The following SHC4 variants were observed in gnomAD, a reference collection of about 807,000 sequenced individuals.
The protein encoded by SHC4 is SHC adaptor protein 4.
SHC4 carries 41 observed loss-of-function variants against 69.4 expected under a neutral mutation model. That is an observed-to-expected ratio of 0.59 (90% CI 0.46 to 0.77). The LOEUF (loss-of-function observed/expected upper bound fraction) is 0.77, where lower values mean the gene tolerates loss of function less well. Ranked by LOEUF, SHC4 falls within the 30% of genes least tolerant of loss-of-function variation. The pLI is 0.00. For synonymous variants in SHC4, 318 were observed against 299.3 expected (o/e 1.06, Z -0.64); for missense variants, 777 against 783.8 (o/e 0.99, Z 0.10).
intron 10 of SHC4, among the ~76,000 whole-genome samples, chr15:48,840,172 G>A (rs371290082): frequency 6.6e-6 from 1 of 152,184 alleles, no homozygotes; most frequent in South Asian, 2.1e-4. Flanking sequence ...TACCAATCCC[G>A]TGGCACTAAT....
In SHC4 at chr15:48,939,304, T is replaced by G. The variant is rs576906955; in HGVS notation, c.586-14355A>C. On this transcript the variant is annotated intron_variant, in intron 1 of 11. Transcript: ENST00000332408. The stretch of plus-strand genomic sequence containing the variant: ...GCCTCAGGGAATCAGGGAAGAAGGG[T>G]CAGAGGAAGGACGCTGGGGCGAGTT... Among the ~76,000 whole-genome samples the G allele has an allele frequency of 3.8e-4, 58 of 152,104 alleles. 1 individual carries two copies. Among genetic ancestry groups the G allele is most frequent in the Admixed American group, 3.7e-3 (56 of 15,292 alleles).
At chr15:48,939,586 C>T (rs1173593695) in intron 1 of SHC4, among the ~76,000 whole-genome samples, 2 of 152,150 alleles carry the variant, frequency 1.3e-5, no homozygotes, top group Non-Finnish European at 2.9e-5. Flanking sequence ...TTCTTGGAGT[C>T]CAGCACAATA....
chr15:48,893,043 A>G (rs932279238), intron 2 of SHC4, among the ~76,000 whole-genome samples: 5 of 152,210 alleles, frequency 3.3e-5, no homozygotes, highest in Admixed American at 6.5e-5. Context: ...GTAATTTCAC[A>G]AACTGTTTTC....
At chr15:48,881,338 A>G (rs1310614555) in intron 4 of SHC4, among the ~76,000 whole-genome samples, 5 of 151,110 alleles carry the variant, frequency 3.3e-5, no homozygotes, top group African/African-American at 9.7e-5. Flanking sequence ...TTTGACCTAT[A>G]GACCTATGTA....
chr15:48,849,697 A>G (rs1454936452), intron 9 of SHC4, among the ~76,000 whole-genome samples: 1 of 152,220 alleles, frequency 6.6e-6, no homozygotes, highest in Non-Finnish European at 1.5e-5. Context: ...TGACTATTAA[A>G]TCCTTAGGTT....
At chr15:48,844,065 T>TA (rs1411734447) in intron 9 of SHC4, among the ~76,000 whole-genome samples, 2 of 152,194 alleles carry the variant, frequency 1.3e-5, no homozygotes, top group East Asian at 1.9e-4. Flanking sequence ...AATTTATAAA[T>TA]AAAAAATGAA....
At chr15:48,832,235 G>T (rs1447407815) in intron 11 of SHC4, among the ~76,000 whole-genome samples, 1 of 152,166 alleles carries the variant, frequency 6.6e-6, no homozygotes, top group East Asian at 1.9e-4. Flanking sequence ...TGGTGCCATT[G>T]TACTCCAGCC....
Position 48,825,960 on chromosome 15 carries a change from C to T in SHC4, c.*11G>A, listed in dbSNP as rs1018986069. On this transcript the variant is annotated 3_prime_UTR_variant, in exon 12 of 12. Transcript: ENST00000332408. ...TTCTTGAAATATCAGTGTGATGGTG[C>T]TTCAATACTGTCATTTGTTGGAATG... 6.2e-7 allele frequency: 1 copy of T among 1,611,488 alleles called. No individual in the cohort carries two copies. Among genetic ancestry groups the T allele is most frequent in the African/African-American group, 1.3e-5 (1 of 74,750 alleles).
At position 48,963,047 on chromosome 15, in the gene SHC4, G is replaced by A; in HGVS notation, c.-32C>T. 6.4e-7 allele frequency: 1 copy of A among 1,557,612 alleles called. No individual in the cohort carries two copies. Among genetic ancestry groups the A allele is most frequent in the Admixed American group, 1.9e-5 (1 of 53,468 alleles). ...GGCAGTGCTGAAACAGGATACTGTT[G>A]CATAAATCGCCTCGTCGTCTGGTAG... On this transcript the variant is annotated 5_prime_UTR_variant, in exon 1 of 12. An upstream open reading frame in the 5' UTR gains an earlier in-frame stop. Coordinates refer to ENST00000332408, the MANE Select transcript of SHC4 (RefSeq NM_203349.4).
intron 3 of SHC4, among the ~76,000 whole-genome samples, chr15:48,890,436 AAC>A (rs1272183281): frequency 6.6e-6 from 1 of 152,228 alleles, no homozygotes; most frequent in African/African-American, 2.4e-5. Context: ...AGGAAATAAG[AAC>A]AGAGTCTCAG....
At chr15:48,832,859 C>T (rs1256861386) in intron 11 of SHC4, among the ~76,000 whole-genome samples, 6 of 151,940 alleles carry the variant, frequency 3.9e-5, no homozygotes, top group Non-Finnish European at 8.8e-5. Context: ...CTTTTCAGTT[C>T]AGTTATTGTA....
At position 48,962,588 on chromosome 15, in the gene SHC4, G is replaced by A. The variant is rs1901562518; in HGVS notation, c.428C>T (p.Ala143Val). ...CACCAGGTCCTGCTGCGGTGGAGGTGCAGTCCCGGACCTACTTAAACTGGT... is the reference window on the plus strand; with the variant it reads ...CACCAGGTCCTGCTGCGGTGGAGGTACAGTCCCGGACCTACTTAAACTGGT... ...PETSLSRSGT[A>V]PPPQQDLVGH... is the part of the protein sequence containing the mutation. Residue 143 changes from alanine to valine, a missense_variant, in exon 1 of 12, where the codon GCA becomes GTA. Coordinates refer to ENST00000332408, the MANE Select transcript of SHC4 (RefSeq NM_203349.4). 1 of 1,613,162 alleles carries A rather than the reference G, an allele frequency of 6.2e-7. No individual in the cohort carries two copies. The highest frequency in any genetic ancestry group is 1.3e-5 in the African/African-American group (1 of 74,910).
chr15:48,946,578 T>G, intron 1 of SHC4: 1 of 984,276 alleles, frequency 1.0e-6, no homozygotes, highest in Non-Finnish European at 1.2e-6. Flanking sequence ...AAGAGAAATT[T>G]GGAGATTTGT....
At chr15:48,839,906 T>C (rs1482068086) in intron 10 of SHC4, among the ~76,000 whole-genome samples, 1 of 152,240 alleles carries the variant, frequency 6.6e-6, no homozygotes, top group Non-Finnish European at 1.5e-5. Context: ...CTCCTAAATT[T>C]AGCTGGGCAC....
intron 6 of SHC4, among the ~76,000 whole-genome samples, chr15:48,862,969 C>G (rs1899474815): frequency 6.6e-6 from 1 of 151,836 alleles, no homozygotes; most frequent in Non-Finnish European, 1.5e-5. Context: ...ACCTGCAGGC[C>G]TGGCCTGCCT....
At chr15:48,888,882 C>CAAAA (rs36036782) in intron 3 of SHC4, among the ~76,000 whole-genome samples, 16 of 89,108 alleles carry the variant, frequency 1.8e-4, no homozygotes, top group African/African-American at 6.7e-4. Context: ...GTGAAACTGT[C>CAAAA]AAAAAAAAAA....
intron 11 of SHC4, among the ~76,000 whole-genome samples, chr15:48,830,776 G>GA (rs1317291556): frequency 6.6e-6 from 1 of 152,132 alleles, no homozygotes; most frequent in Admixed American, 6.5e-5. Context: ...AATCTATGAT[G>GA]AAAAAAGAAA....
At chr15:48,882,173 T>G (rs1000719969) in intron 4 of SHC4, among the ~76,000 whole-genome samples, 7 of 152,204 alleles carry the variant, frequency 4.6e-5, no homozygotes, top group African/African-American at 1.7e-4. Flanking sequence ...TTCTTAAACA[T>G]TTTAGTTGCC....
At chr15:48,955,793 T>C (rs1901443209) in intron 1 of SHC4, among the ~76,000 whole-genome samples, 1 of 152,210 alleles carries the variant, frequency 6.6e-6, no homozygotes, top group African/African-American at 2.4e-5. Context: ...GCATATTTAT[T>C]TCAGGAAGTG....
Sources: allele counts gnomAD v4.1 joint callset (sites outside exome capture counted in the v4.1 genomes callset), GRCh38; gene constraint gnomAD v4.1.1; transcripts MANE v1.5; gene names NCBI Gene and HGNC (gene_info 2026-07-23, HGNC 2026-07-21).